Variants in DCC observed in about 807,000 individuals in gnomAD.
DCC encodes DCC netrin 1 receptor.
DCC carries 58 observed loss-of-function variants against 172.5 expected under a neutral mutation model. The observed-to-expected ratio is 0.34, with a 90% CI of 0.27 to 0.42. The LOEUF is 0.42. Ranked by LOEUF, DCC falls within the 10% of genes least tolerant of loss-of-function variation. The probability of loss-of-function intolerance (pLI) is 1.00; values close to 1 mark genes in which losing one functional copy is unlikely to be tolerated. For missense variants in DCC, 1,740 were observed against 1,791.0 expected, an observed-to-expected ratio of 0.97 and a Z score of 0.51; for synonymous variants, 709 against 644.5, an observed-to-expected ratio of 1.10 and a Z score of -1.52.
At chr18:53,179,141 C>T in intron 9 of DCC, 25 bp downstream of exon 9, 1 of 1,608,264 alleles carries the variant, frequency 6.2e-7, no homozygotes. Context: ...GAACGGGCCA[C>T]ATTTAAAAAG....
chr18:52,566,557 C>T (rs1489127639), intron 1 of DCC, among the ~76,000 whole-genome samples: 1 of 151,856 alleles, frequency 6.6e-6, no homozygotes, highest in Non-Finnish European at 1.5e-5. Flanking sequence ...GTAAACTGAC[C>T]CAGGTCACGT....
intron 1 of DCC, among the ~76,000 whole-genome samples, chr18:52,350,665 T>A (rs1427284863): frequency 6.6e-6 from 1 of 152,132 alleles, no homozygotes; most frequent in Non-Finnish European, 1.5e-5. Context: ...AAATATAATT[T>A]AAAAAACTCA....
chr18:52,654,484 C>T (rs567588234), intron 1 of DCC, among the ~76,000 whole-genome samples: 2 of 152,286 alleles, frequency 1.3e-5, no homozygotes, highest in Non-Finnish European at 2.9e-5. Context: ...TGACATCCAA[C>T]TCAAGGTATC....
At chr18:53,066,827 T>C (rs1191627655) in intron 7 of DCC, among the ~76,000 whole-genome samples, 2 of 152,076 alleles carry the variant, frequency 1.3e-5, no homozygotes, top group Non-Finnish European at 2.9e-5. Context: ...ATAGGAAGCA[T>C]GATGCTGGCC....
Position 52,554,383 on chromosome 18 carries a change from G to A in DCC, c.92-197671G>A, listed in dbSNP as rs999892161. Among the ~76,000 whole-genome samples, 4 of 152,090 alleles carry A rather than the reference G, an allele frequency of 2.6e-5. No homozygotes were observed. The South Asian group carries it at 8.3e-4, about 31-fold the overall frequency. ...ACATAAAGTTGCAGGGGCTGCACTT[G>A]ACTTGGAGTGACATTTTCCAGCTTC... On this transcript the variant is annotated intron_variant, in intron 1 of 28. Coordinates refer to ENST00000442544, the MANE Select transcript of DCC (RefSeq NM_005215.4).
At chr18:52,912,478 G>A (rs1045038697) in intron 3 of DCC, among the ~76,000 whole-genome samples, 1 of 151,950 alleles carries the variant, frequency 6.6e-6, no homozygotes, top group African/African-American at 2.4e-5. Flanking sequence ...TTTATCTGTA[G>A]TCCTAGCACA....
chr18:53,141,498 C>T (rs1331797806), intron 7 of DCC, among the ~76,000 whole-genome samples: 1 of 152,146 alleles, frequency 6.6e-6, no homozygotes, highest in Non-Finnish European at 1.5e-5. Context: ...TCCTAAATTG[C>T]CGTAAAGGAC....
chr18:53,465,987 A>G (rs2045615830), intron 24 of DCC, among the ~76,000 whole-genome samples: 1 of 152,048 alleles, frequency 6.6e-6, no homozygotes, highest in Admixed American at 6.5e-5. Context: ...GATGGTCTCG[A>G]TCTCCTGACC....
At chr18:52,706,252 T>G (rs934502877) in intron 1 of DCC, among the ~76,000 whole-genome samples, 3 of 152,212 alleles carry the variant, frequency 2.0e-5, no homozygotes, top group Admixed American at 6.5e-5. Flanking sequence ...CTCAAGTAGT[T>G]AAGCACAGCC....
intron 13 of DCC, among the ~76,000 whole-genome samples, chr18:53,308,272 A>G (rs1488254935): frequency 6.6e-6 from 1 of 152,060 alleles, no homozygotes; most frequent in African/African-American, 2.4e-5. Context: ...TTTAAAACAT[A>G]GTAAGCAAAT....
chr18:53,085,094 C>T (rs1332056936), intron 7 of DCC, among the ~76,000 whole-genome samples: 2 of 152,056 alleles, frequency 1.3e-5, no homozygotes, highest in African/African-American at 2.4e-5. Flanking sequence ...CCAGAGAATC[C>T]AGCCTCCAGA....
intron 5 of DCC, among the ~76,000 whole-genome samples, chr18:53,021,113 G>A (rs1329006853): frequency 6.6e-6 from 1 of 151,932 alleles, no homozygotes; most frequent in Non-Finnish European, 1.5e-5. Context: ...TGAGGGAAAG[G>A]GCACTTGCTG....
intron 1 of DCC, among the ~76,000 whole-genome samples, chr18:52,574,689 A>G (rs1232338400): frequency 6.6e-6 from 1 of 152,220 alleles, no homozygotes; most frequent in Non-Finnish European, 1.5e-5. Context: ...CCATGAAAGT[A>G]AAGAATAAAT....
intron 12 of DCC, among the ~76,000 whole-genome samples, chr18:53,229,835 G>A (rs577284501): frequency 4.6e-5 from 7 of 152,016 alleles, no homozygotes; most frequent in African/African-American, 1.2e-4. Flanking sequence ...ACATGCAAAG[G>A]TAAAAAGAAG....
At chr18:52,744,266 T>C (rs2036872477) in intron 1 of DCC, among the ~76,000 whole-genome samples, 1 of 152,206 alleles carries the variant, frequency 6.6e-6, no homozygotes, top group African/African-American at 2.4e-5. Flanking sequence ...TTAATTTTTG[T>C]TCACTAAATC....
At chr18:53,345,148 C>T (rs2057709063) in intron 15 of DCC, among the ~76,000 whole-genome samples, 2 of 151,368 alleles carry the variant, frequency 1.3e-5, no homozygotes, top group African/African-American at 4.8e-5. Context: ...ATATTATAAA[C>T]TTTTATATGT....
intron 1 of DCC, among the ~76,000 whole-genome samples, chr18:52,575,818 C>G (rs2033395377): frequency 6.6e-6 from 1 of 152,150 alleles, no homozygotes; most frequent in Non-Finnish European, 1.5e-5. Context: ...TCTGCCCCAT[C>G]TACTTGAGTC....
At chr18:53,523,909 A>G (rs890233815) in intron 27 of DCC, among the ~76,000 whole-genome samples, 3 of 152,118 alleles carry the variant, frequency 2.0e-5, no homozygotes, top group African/African-American at 7.2e-5. Flanking sequence ...TAAGAAAAAA[A>G]GAAGGGGGAG....
chr18:52,663,108 G>GAATGTATTTCATGTCTTAGGAGA (rs2035394385), intron 1 of DCC, among the ~76,000 whole-genome samples: 1 of 152,188 alleles, frequency 6.6e-6, no homozygotes, highest in Non-Finnish European at 1.5e-5. Flanking sequence ...GACAGTTAAA[G>GAATGTATTTCATGTCTTAGGAGA]AATGTATTTC....
Sources: gnomAD v4.1 joint callset for allele counts (sites outside exome capture counted in the v4.1 genomes callset) on GRCh38, gnomAD v4.1.1 for gene constraint, MANE v1.5 for transcripts, NCBI Gene and HGNC (gene_info 2026-07-23, HGNC 2026-07-21) for gene names.